The following ENTREP2 variants were observed in gnomAD, a reference collection of about 807,000 sequenced individuals.
ENTREP2 encodes protein ENTREP2.
the ENTREP2 span, among the ~76,000 whole-genome samples, chr15:29,564,889 T>C: frequency 3.9e-5 from 6 of 152,242 alleles, no homozygotes; most frequent in African/African-American, 1.4e-4. Context: ...GTCTTGCTGA[T>C]TGGTTTAGCT....
the ENTREP2 span, among the ~76,000 whole-genome samples, chr15:29,304,750 CCT>C: frequency 2.0e-5 from 3 of 152,156 alleles, no homozygotes; most frequent in Non-Finnish European, 2.9e-5. Flanking sequence ...TCTATGATCC[CCT>C]CTCTTTCCTC....
At chr15:29,402,265 T>TATATATATATATATATATACACAC in the ENTREP2 span, among the ~76,000 whole-genome samples, 4 of 137,838 alleles carry the variant, frequency 2.9e-5, no homozygotes, top group African/African-American at 1.1e-4. Flanking sequence ...TATATATATA[T>TATATATATATATATATATACACAC]ACACACACAT....
chr15:29,439,284 TACACACACACACACAC>T, the ENTREP2 span, among the ~76,000 whole-genome samples: 16 of 97,144 alleles, frequency 1.6e-4, no homozygotes, highest in South Asian at 3.3e-4. Flanking sequence ...AAATTGGAAT[TACACACACACACACAC>T]ACACACACAC....
chr15:29,207,370 G>A, the ENTREP2 span, among the ~76,000 whole-genome samples: 3 of 144,872 alleles, frequency 2.1e-5, no homozygotes, highest in Non-Finnish European at 4.5e-5. Context: ...AACCCAAAGA[G>A]TGAGTGATAA....
At chr15:29,196,722 C>T in the ENTREP2 span, 1 of 667,304 alleles carries the variant, frequency 1.5e-6, no homozygotes. Context: ...TTCTATTGAC[C>T]CAGGCCATCA....
the ENTREP2 span, among the ~76,000 whole-genome samples, chr15:29,430,985 C>G: frequency 6.6e-6 from 1 of 152,162 alleles, no homozygotes; most frequent in Non-Finnish European, 1.5e-5. Context: ...CGTAGCTACC[C>G]AAAGCTGGTT....
At chr15:29,140,356 T>A in the ENTREP2 span, among the ~76,000 whole-genome samples, 1 of 152,126 alleles carries the variant, frequency 6.6e-6, no homozygotes, top group Non-Finnish European at 1.5e-5. Context: ...CCTGTCCACC[T>A]CCTCCTCGCA....
the ENTREP2 span, among the ~76,000 whole-genome samples, chr15:29,483,386 G>GT: frequency 6.6e-6 from 1 of 152,084 alleles, no homozygotes; most frequent in Non-Finnish European, 1.5e-5. Flanking sequence ...CTCTGGTGTT[G>GT]TATCTAAAAA....
the ENTREP2 span, among the ~76,000 whole-genome samples, chr15:29,365,416 C>T: frequency 6.6e-5 from 10 of 151,928 alleles, no homozygotes; most frequent in African/African-American, 2.2e-4. Context: ...CCATGCCCAG[C>T]TAATTTTTGT....
chr15:29,612,580 T>C, the ENTREP2 span: 2 of 153,856 alleles, frequency 1.3e-5, no homozygotes, highest in African/African-American at 2.4e-5. Context: ...ATGGAGGAAA[T>C]TGTGCACATC....
the ENTREP2 span, among the ~76,000 whole-genome samples, chr15:29,436,562 A>T: frequency 2.0e-5 from 3 of 152,224 alleles, no homozygotes; most frequent in South Asian, 2.1e-4. Context: ...AAAAGGTTGG[A>T]AACTGGCATT....
At chr15:29,486,619 G>A in the ENTREP2 span, among the ~76,000 whole-genome samples, 1 of 152,196 alleles carries the variant, frequency 6.6e-6, no homozygotes, top group Non-Finnish European at 1.5e-5. Flanking sequence ...GGACCTGGGA[G>A]GCAGAGGTTG....
At chr15:29,514,592 C>A in the ENTREP2 span, among the ~76,000 whole-genome samples, 1 of 152,176 alleles carries the variant, frequency 6.6e-6, no homozygotes, top group African/African-American at 2.4e-5. Context: ...CAGTGTGGTT[C>A]CATGCCTTTC....
the ENTREP2 span, among the ~76,000 whole-genome samples, chr15:29,326,171 C>G: frequency 6.6e-6 from 1 of 152,086 alleles, no homozygotes. Context: ...AAGAACAAGG[C>G]AAGGATATCC....
At chr15:29,585,079 A>C in the ENTREP2 span, among the ~76,000 whole-genome samples, 1 of 152,210 alleles carries the variant, frequency 6.6e-6, no homozygotes, top group African/African-American at 2.4e-5. Context: ...GTAAAGTTAA[A>C]GATGAATACA....
At chr15:29,385,499 C>T in the ENTREP2 span, among the ~76,000 whole-genome samples, 9 of 152,164 alleles carry the variant, frequency 5.9e-5, no homozygotes, top group South Asian at 6.2e-4. Context: ...TTAAACTTGG[C>T]GTGGCAGGCA....
At chr15:29,126,042 A>G in the ENTREP2 span, among the ~76,000 whole-genome samples, 1 of 152,034 alleles carries the variant, frequency 6.6e-6, no homozygotes, top group Admixed American at 6.5e-5. Flanking sequence ...GGGCCCCTTG[A>G]ATCCTTCCTC....
At chr15:29,164,778 G>C in the ENTREP2 span, among the ~76,000 whole-genome samples, 3 of 152,272 alleles carry the variant, frequency 2.0e-5, no homozygotes, top group East Asian at 5.8e-4. Flanking sequence ...CATCAAGACA[G>C]AAAGTCAACA....
chr15:29,268,290 CAT>C, the ENTREP2 span: 1 of 152,692 alleles, frequency 6.5e-6, no homozygotes, highest in African/African-American at 2.4e-5. Context: ...ACATTACACT[CAT>C]TGCTTGGAAC....
Sources: gnomAD v4.1 joint callset for allele counts (sites outside exome capture counted in the v4.1 genomes callset) on GRCh38, gnomAD v4.1.1 for gene constraint, MANE v1.5 for transcripts, NCBI Gene and HGNC (gene_info 2026-07-23, HGNC 2026-07-21) for gene names.